The following MYT1L variants were observed in gnomAD, a reference collection of about 807,000 sequenced individuals.
MYT1L encodes the protein myelin transcription factor 1-like protein.
A neutral mutation model predicts 126.7 loss-of-function variants in MYT1L; 12 were observed. The ratio of observed to expected loss-of-function variants is 0.09; its 90% confidence interval spans 0.06 to 0.15. MYT1L has a LOEUF of 0.15. Among genes scored for constraint, MYT1L ranks in the 10% least tolerant of loss-of-function variants. The probability of loss-of-function intolerance (pLI) is 1.00; values close to 1 mark genes in which losing one functional copy is unlikely to be tolerated. For missense variants in MYT1L, 979 were observed against 1,585.2 expected (o/e 0.62, Z 6.49); for synonymous variants, 541 against 604.2 (o/e 0.90, Z 1.53).
At chr2:1,984,131 T>A (rs766469570) in intron 5 of MYT1L, among the ~76,000 whole-genome samples, 6 of 152,174 alleles carry the variant, frequency 3.9e-5, no homozygotes, top group Admixed American at 6.5e-5. Context: ...CAGGATTTAT[T>A]TTAGTACTAT....
intron 2 of MYT1L, among the ~76,000 whole-genome samples, chr2:2,256,123 G>T (rs1176691053): frequency 6.6e-6 from 1 of 152,184 alleles, no homozygotes; most frequent in Admixed American, 6.5e-5. Context: ...GCCAAAACAA[G>T]ACCCCCGGTG....
chr2:2,128,775 A>C (rs1243301858), intron 3 of MYT1L, among the ~76,000 whole-genome samples: 2 of 152,324 alleles, frequency 1.3e-5, no homozygotes, highest in Non-Finnish European at 1.5e-5. Flanking sequence ...GGTCATATTA[A>C]ATGGAGAAAT....
intron 2 of MYT1L, among the ~76,000 whole-genome samples, chr2:2,248,599 A>G (rs765323063): frequency 6.6e-6 from 1 of 152,170 alleles, no homozygotes; most frequent in Non-Finnish European, 1.5e-5. Context: ...AATATGTCTG[A>G]TAAATATTGA....
At chr2:1,961,550 C>T (rs116026059) in intron 8 of MYT1L, among the ~76,000 whole-genome samples, 1,864 of 152,338 alleles carry the variant, frequency 0.012, 43 homozygotes, top group African/African-American at 0.042. Flanking sequence ...GTGTGCTGGG[C>T]CTCTGCCATC....
chr2:2,292,097 A>C (rs1448565022), intron 1 of MYT1L, among the ~76,000 whole-genome samples: 1 of 152,128 alleles, frequency 6.6e-6, no homozygotes, highest in Non-Finnish European at 1.5e-5. Context: ...GTGGAGCGGG[A>C]AGGAAGGAAT....
chr2:2,048,859 G>C (rs2068492222), intron 4 of MYT1L, among the ~76,000 whole-genome samples: 1 of 152,162 alleles, frequency 6.6e-6, no homozygotes, highest in African/African-American at 2.4e-5. Context: ...GGAGGACAGG[G>C]ATCAGTAGTT....
intron 4 of MYT1L, among the ~76,000 whole-genome samples, chr2:2,017,389 G>C (rs929349589): frequency 6.6e-6 from 1 of 152,248 alleles, no homozygotes; most frequent in African/African-American, 2.4e-5. Context: ...GTATGGACGA[G>C]AGGACCTCTG....
chr2:2,310,804 G>A (rs938662241), intron 1 of MYT1L, among the ~76,000 whole-genome samples: 1 of 152,002 alleles, frequency 6.6e-6, no homozygotes, highest in South Asian at 2.1e-4. Context: ...ACCCACGGGC[G>A]GTTGTGACTC....
chr2:1,956,660 CATCT>C lies in MYT1L; in HGVS notation c.153-13330_153-13327del, dbSNP rs143553963. 2.8e-3 allele frequency among the ~76,000 whole-genome samples: 423 copies of C among 151,626 alleles called. 3 individuals are homozygous for C. In the East Asian group the frequency reaches 0.037, roughly 13 times the overall value. On this transcript the variant is annotated intron_variant, in intron 8 of 24. Transcript: ENST00000647738. ...TCTAGCTATCTATTTATCTATCTATCATCTATCTATCATCATCATCATGATTACC... is the reference window on the plus strand; with the variant it reads ...TCTAGCTATCTATTTATCTATCTATCATCTATCATCATCATCATGATTACC...
At chr2:2,316,128 G>A (rs767155581) in intron 1 of MYT1L, among the ~76,000 whole-genome samples, 5 of 152,172 alleles carry the variant, frequency 3.3e-5, no homozygotes, top group Middle Eastern at 3.2e-3. Context: ...AGATTCAGGC[G>A]TGGAGAGAGA....
intron 1 of MYT1L, among the ~76,000 whole-genome samples, chr2:2,320,707 A>G (rs2096148695): frequency 6.6e-6 from 1 of 152,230 alleles, no homozygotes; most frequent in Non-Finnish European, 1.5e-5. Context: ...GAACCACTGA[A>G]TAATACACCT....
chr2:2,204,935 A>C (rs1284493065), intron 2 of MYT1L, among the ~76,000 whole-genome samples: 1 of 151,880 alleles, frequency 6.6e-6, no homozygotes, highest in Non-Finnish European at 1.5e-5. Flanking sequence ...TGCAGCCATA[A>C]AAAATGATGA....
chr2:2,046,660 T>C (rs138990939), intron 4 of MYT1L, among the ~76,000 whole-genome samples: 1,982 of 152,324 alleles, frequency 0.013, 41 homozygotes, highest in African/African-American at 0.046. Flanking sequence ...CACTTGGTTC[T>C]TGCAGGTGTG....
chr2:1,858,203 A>G (rs1319457341), intron 18 of MYT1L, among the ~76,000 whole-genome samples: 1 of 152,242 alleles, frequency 6.6e-6, no homozygotes, highest in African/African-American at 2.4e-5. Flanking sequence ...TGTCATATAA[A>G]TGGGAAACAA....
intron 5 of MYT1L, among the ~76,000 whole-genome samples, chr2:1,984,615 T>C (rs1041516368): frequency 2.4e-4 from 36 of 147,676 alleles, no homozygotes; most frequent in African/African-American, 8.6e-4. Context: ...GTTCACACCA[T>C]TCTCCTGCCT....
At chr2:2,117,258 G>T (rs1206084552) in intron 3 of MYT1L, among the ~76,000 whole-genome samples, 6 of 152,236 alleles carry the variant, frequency 3.9e-5, no homozygotes, top group Non-Finnish European at 7.3e-5. Context: ...ATCTTCTCAT[G>T]ACTTCAAAAT....
rs1169468887 is a variant in MYT1L, at chr2:1,874,310, G to A, written c.2711+12229C>T. 4.6e-5 allele frequency among the ~76,000 whole-genome samples: 7 copies of A among 152,104 alleles called. No homozygotes were observed. In the East Asian group the frequency reaches 5.8e-4, roughly 13 times the overall value. The stretch of plus-strand genomic sequence containing the variant: ...GGTTCCCCATCTGTGAAATGGGCAC[G>A]GAAGGTCACCTGCTTTGTGAAGACA... On this transcript the variant is annotated intron_variant, in intron 18 of 24. Coordinates refer to ENST00000647738, the MANE Select transcript of MYT1L (RefSeq NM_001303052.2).
chr2:1,956,578 A>ATGTGTCCTATTCTATATTTCCTAT (rs1558533905), intron 8 of MYT1L, among the ~76,000 whole-genome samples: 4 of 50,984 alleles, frequency 7.8e-5, no homozygotes, highest in African/African-American at 2.5e-4. Context: ...TTCCTATTCT[A>ATGTGTCCTATTCTATATTTCCTAT]TCTATCTATC....
At chr2:1,901,862 G>A (rs747719399) in intron 14 of MYT1L, among the ~76,000 whole-genome samples, 3 of 152,180 alleles carry the variant, frequency 2.0e-5, no homozygotes, top group African/African-American at 4.8e-5. Flanking sequence ...GTTTTGCCAT[G>A]TTGGCCAGGC....
Sources: gnomAD v4.1 joint callset for allele counts (sites outside exome capture counted in the v4.1 genomes callset) on GRCh38, gnomAD v4.1.1 for gene constraint, MANE v1.5 for transcripts, NCBI Gene and HGNC (gene_info 2026-07-23, HGNC 2026-07-21) for gene names.